DTNA: variants seen among roughly 807,000 people sequenced by gnomAD.
DTNA encodes the protein dystrophin-related protein 3.
A neutral mutation model predicts 100.7 loss-of-function variants in DTNA; 43 were observed. The ratio of observed to expected loss-of-function variants is 0.43; its 90% CI spans 0.33 to 0.55. The LOEUF (loss-of-function observed/expected upper bound fraction) is 0.55, where lower values mean the gene tolerates loss of function less well. DTNA is among the 20% of genes least tolerant of loss of function. The pLI is 0.04. For missense variants in DTNA, 798 were observed against 953.9 expected (o/e 0.84, Z 2.15); for synonymous variants, 349 against 347.9 (o/e 1.00, Z -0.04).
At chr18:34,718,260 T>G (rs760303939) in intron 1 of DTNA, among the ~76,000 whole-genome samples, 2 of 152,172 alleles carry the variant, frequency 1.3e-5, no homozygotes, top group African/African-American at 4.8e-5. Flanking sequence ...ACAATTTTGT[T>G]TGGGGATGTA....
At chr18:34,847,722 G>A (rs111910318) in intron 13 of DTNA, among the ~76,000 whole-genome samples, 174 of 152,284 alleles carry the variant, frequency 1.1e-3, no homozygotes, top group African/African-American at 3.5e-3. Flanking sequence ...GAGAAAACAA[G>A]CAAGTCCAAG....
At chr18:34,693,429 T>C (rs2080062978) in intron 1 of DTNA, among the ~76,000 whole-genome samples, 1 of 152,038 alleles carries the variant, frequency 6.6e-6, no homozygotes, top group African/African-American at 2.4e-5. Context: ...CCCAAATAAT[T>C]AGCAGCAAAG....
At chr18:34,555,212 G>A (rs1180182596) in intron 1 of DTNA, among the ~76,000 whole-genome samples, 11 of 141,072 alleles carry the variant, frequency 7.8e-5, no homozygotes, top group Admixed American at 2.8e-4. Context: ...CTGTGGGATC[G>A]GTGGTGATAT....
chr18:34,599,512 A>C (rs932905457), intron 1 of DTNA, among the ~76,000 whole-genome samples: 1 of 152,190 alleles, frequency 6.6e-6, no homozygotes, highest in Non-Finnish European at 1.5e-5. Context: ...GAAGGATATC[A>C]TGTTAAAACA....
intron 4 of DTNA, among the ~76,000 whole-genome samples, chr18:34,799,198 C>T (rs988592201): frequency 3.3e-5 from 5 of 152,128 alleles, no homozygotes; most frequent in East Asian, 1.9e-4. Context: ...AATAGTCTTA[C>T]GTAGAGAATA....
intron 16 of DTNA, among the ~76,000 whole-genome samples, chr18:34,861,981 T>C (rs1464124368): frequency 6.6e-6 from 1 of 152,162 alleles, no homozygotes; most frequent in East Asian, 1.9e-4. Context: ...GCTTTAACCC[T>C]CTTCCCAAAG....
At chr18:34,724,368 C>T (rs2086091180) in intron 1 of DTNA, among the ~76,000 whole-genome samples, 1 of 152,152 alleles carries the variant, frequency 6.6e-6, no homozygotes, top group Non-Finnish European at 1.5e-5. Flanking sequence ...GCGGTGTTTA[C>T]TAAGCATTAT....
chr18:34,828,051 G>C (rs1465718670), intron 10 of DTNA, among the ~76,000 whole-genome samples: 1 of 152,160 alleles, frequency 6.6e-6, no homozygotes, highest in Non-Finnish European at 1.5e-5. Flanking sequence ...TATATAAATG[G>C]TGAAATGTGT....
At chr18:34,556,062 G>A (rs1465570327) in intron 1 of DTNA, among the ~76,000 whole-genome samples, 1 of 150,886 alleles carries the variant, frequency 6.6e-6, no homozygotes, top group East Asian at 1.9e-4. Flanking sequence ...TCCTGTATTG[G>A]GTGCATATAT....
At chr18:34,851,441 G>A (rs960771) in intron 14 of DTNA, among the ~76,000 whole-genome samples, 28,651 of 152,054 alleles carry the variant, frequency 0.19, 3,910 homozygotes, top group African/African-American at 0.39. Context: ...GTAATTGAAC[G>A]GTAACTCTAG....
intron 1 of DTNA, among the ~76,000 whole-genome samples, chr18:34,753,143 C>A (rs545435400): frequency 3.2e-4 from 48 of 152,056 alleles, no homozygotes; most frequent in African/African-American, 1.1e-3. Context: ...CTTTGCTGGG[C>A]ACTGTGAAAA....
At chr18:34,748,743 A>G (rs1440459636) in intron 1 of DTNA, among the ~76,000 whole-genome samples, 1 of 152,042 alleles carries the variant, frequency 6.6e-6, no homozygotes. Flanking sequence ...GTAATGTGAT[A>G]CCTCCATTTG....
At chr18:34,741,283 C>T (rs1456868221) in intron 1 of DTNA, among the ~76,000 whole-genome samples, 1 of 152,040 alleles carries the variant, frequency 6.6e-6, no homozygotes, top group Admixed American at 6.6e-5. Context: ...AATATTTGAA[C>T]TAGAATAAGC....
intron 3 of DTNA, among the ~76,000 whole-genome samples, chr18:34,782,670 G>A (rs1204476403): frequency 6.6e-6 from 1 of 152,168 alleles, no homozygotes; most frequent in Admixed American, 6.5e-5. Flanking sequence ...CCAAGGGAAT[G>A]TCCTGGAATT....
chr18:34,807,373 T>C (rs1424997946), intron 5 of DTNA, among the ~76,000 whole-genome samples: 1 of 152,166 alleles, frequency 6.6e-6, no homozygotes, highest in East Asian at 1.9e-4. Flanking sequence ...CTCAGCCTCC[T>C]TCTGTATCCT....
intron 1 of DTNA, among the ~76,000 whole-genome samples, chr18:34,653,779 G>A (rs956834387): frequency 1.7e-4 from 26 of 152,010 alleles, no homozygotes; most frequent in African/African-American, 5.1e-4. Flanking sequence ...CCAAGACTGC[G>A]CCACTGCACT....
chr18:34,502,420 C>G (rs969624987), intron 1 of DTNA, among the ~76,000 whole-genome samples: 5 of 151,814 alleles, frequency 3.3e-5, no homozygotes, highest in Non-Finnish European at 7.4e-5. Flanking sequence ...ATAATAATAT[C>G]TTTTTCTATA....
chr18:34,541,794 A>G (rs2044270706), intron 1 of DTNA, among the ~76,000 whole-genome samples: 1 of 152,070 alleles, frequency 6.6e-6, no homozygotes, highest in Non-Finnish European at 1.5e-5. Context: ...AGATATCCAG[A>G]GAAATGTGAA....
chr18:34,875,486 C>G, intron 18 of DTNA, 88 bp downstream of exon 18: 1 of 1,579,762 alleles, frequency 6.3e-7, no homozygotes, highest in Non-Finnish European at 8.7e-7. Flanking sequence ...TTGTCAGAAC[C>G]ACATGTGACT....
Sources: gnomAD v4.1 joint callset for allele counts (sites outside exome capture counted in the v4.1 genomes callset) on GRCh38, gnomAD v4.1.1 for gene constraint, MANE v1.5 for transcripts, NCBI Gene and HGNC (gene_info 2026-07-23, HGNC 2026-07-21) for gene names.